The following RET variants were observed in gnomAD, a reference collection of about 807,000 sequenced individuals.
RET encodes proto-oncogene tyrosine-protein kinase receptor Ret.
Under a neutral mutation model 118.3 loss-of-function variants are expected in RET, and 19 were observed. That is an observed-to-expected ratio of 0.16 (90% CI 0.11 to 0.24). The LOEUF is 0.24. Among genes scored for constraint, RET ranks in the 10% least tolerant of loss-of-function variants. The pLI is 1.00. For synonymous variants in RET, 597 were observed against 644.1 expected (o/e 0.93, Z 1.11); for missense variants, 1,219 against 1,502.1 (o/e 0.81, Z 3.12).
Position 43,102,513 on chromosome 10 carries a change from C to T in RET, c.509C>T (p.Thr170Ile), listed in dbSNP as rs200547906. The T allele has an allele frequency of 1.7e-5, 28 of 1,614,130 alleles. No individual in the cohort carries two copies. The highest frequency in any genetic ancestry group is 5.3e-5 in the African/African-American group (4 of 74,956). The change falls in exon 3 of 20, where the codon ACA becomes ATA. Residue 170 changes from threonine to isoleucine, a missense_variant. By Grantham distance (89) the Thr-to-Ile change is moderately conservative (BLOSUM62 -1). Transcript: ENST00000355710. The stretch of plus-strand genomic sequence containing the variant: ...CCCCGGGAGCTCTGCTTCCCAGAGA[C>T]AAGGCCCTCCTTCCGCATTCGGGAG... ...LKPRELCFPE[T>I]RPSFRIRENR...
rs549266714 is a variant in RET, at chr10:43,125,339, G to T, written c.3039+357G>T. Among the ~76,000 whole-genome samples, 35 of 152,274 alleles carry T rather than the reference G, an allele frequency of 2.3e-4. No homozygotes were observed. In the Middle Eastern group the frequency reaches 0.01, roughly 44 times the overall value. On this transcript the variant is annotated intron_variant, in intron 18 of 19. Coordinates refer to ENST00000355710, the MANE Select transcript of RET (RefSeq NM_020975.6). ...GTGCCCAAAATTCAGATGCCCAGAG[G>T]GGGGTCCGGCTGGAGGAGGGCAGTG...
At chr10:43,093,163 G>A (rs980457484) in intron 1 of RET, among the ~76,000 whole-genome samples, 3 of 152,156 alleles carry the variant, frequency 2.0e-5, no homozygotes, top group Non-Finnish European at 4.4e-5. Context: ...GGCCCTGGGA[G>A]CCCTGATGAG....
At position 43,100,713 on chromosome 10, in the gene RET, A is replaced by G. The variant is rs1217222362; in HGVS notation, c.328A>G (p.Ser110Gly). The change falls in exon 2 of 20, where the codon AGT (serine) becomes GGT (glycine). Residue 110 changes from serine to glycine, a missense_variant. By Grantham distance (56) the Ser-to-Gly change is moderately conservative (BLOSUM62 0). Transcript: ENST00000355710. ...SLDHSSWEKL[S>G]VRNRGFPLLT... ...GGACCATAGCTCCTGGGAGAAGCTC[A>G]GTGTCCGCAGTAAGGGAGCCGCCCC... is the stretch of plus-strand genomic sequence containing the variant. 1 of 1,598,942 alleles carries G rather than the reference A, an allele frequency of 6.3e-7. No individual in the cohort carries two copies. Among genetic ancestry groups the G allele is most frequent in the Admixed American group, 1.7e-5 (1 of 58,120 alleles).
At chr10:43,078,253 G>A (rs1020910710) in intron 1 of RET, among the ~76,000 whole-genome samples, 2 of 152,190 alleles carry the variant, frequency 1.3e-5, no homozygotes, top group African/African-American at 2.4e-5. Context: ...CCCTCCAAGC[G>A]CTTGTGTATG....
chr10:43,106,596 T>C lies in RET; in HGVS notation c.1063+25T>C. Reference sequence around the variant, plus strand: ...AGTAAGAGGGGCTGGTGGCACGGCCTGGCTAGGCCCCCAGGAAATGAGGTG... The same window carrying C: ...AGTAAGAGGGGCTGGTGGCACGGCCCGGCTAGGCCCCCAGGAAATGAGGTG... On this transcript the variant is annotated intron_variant, in intron 5 of 19. Coordinates refer to ENST00000355710, the MANE Select transcript of RET (RefSeq NM_020975.6). The surrounding 1 kb of genome is among the most constrained non-coding windows in gnomAD (Gnocchi z 5.1). The C allele has an allele frequency of 1.9e-6, 3 of 1,609,270 alleles. No individual in the cohort carries two copies. Among genetic ancestry groups the C allele is most frequent in the Non-Finnish European group, 1.7e-6 (2 of 1,177,516 alleles).
intron 3 of RET, among the ~76,000 whole-genome samples, chr10:43,104,453 G>A (rs988034756): frequency 6.6e-6 from 1 of 152,084 alleles, no homozygotes; most frequent in Non-Finnish European, 1.5e-5. Flanking sequence ...GGAGTTGGAG[G>A]TTGCAGTGAG....
intron 1 of RET, among the ~76,000 whole-genome samples, chr10:43,094,756 C>T (rs764403660): frequency 1.7e-4 from 26 of 152,188 alleles, no homozygotes; most frequent in Admixed American, 3.9e-4. Flanking sequence ...TGTGTGAAAG[C>T]GGGTATATAC....
chr10:43,107,601 A>ACC (rs57538114), intron 5 of RET, among the ~76,000 whole-genome samples: 1 of 136,126 alleles, frequency 7.3e-6, no homozygotes, highest in East Asian at 2.1e-4. Context: ...ACACACACAC[A>ACC]CCCTGTTACC....
intron 19 of RET, chr10:43,126,967 A>G (rs1194756081): frequency 7.1e-6 from 10 of 1,408,280 alleles, no homozygotes; most frequent in Non-Finnish European, 9.2e-7. Context: ...TTAGGATGGT[A>G]GAGGAAAAAA....
At chr10:43,118,342 C>A (rs779463179) in intron 12 of RET, 31 bp from the exon 13 acceptor site, 1 of 1,575,858 alleles carries the variant, frequency 6.3e-7, no homozygotes, top group South Asian at 1.1e-5. Flanking sequence ...CAGGAGCGAT[C>A]GTTTGCAACC....
chr10:43,106,837 C>A lies in RET; in HGVS notation c.1063+266C>A, dbSNP rs936134324. On this transcript the variant is annotated intron_variant, in intron 5 of 19. Coordinates refer to ENST00000355710, the MANE Select transcript of RET (RefSeq NM_020975.6). The surrounding 1 kb of genome is among the most constrained non-coding windows in gnomAD (Gnocchi z 5.1). ...GGGCCCCACCACACCCCCCTGCTGA[C>A]CTCACCAGGGCTCACCACCGACTGC... Among the ~76,000 whole-genome samples the A allele has an allele frequency of 1.3e-5, 2 of 152,144 alleles. No individual in the cohort carries two copies. The highest frequency in any genetic ancestry group is 2.9e-5 in the Non-Finnish European group (2 of 68,022).
chr10:43,110,464 CTG>C (rs1305065747), intron 6 of RET, among the ~76,000 whole-genome samples: 53 of 152,300 alleles, frequency 3.5e-4, no homozygotes, highest in Non-Finnish European at 5.3e-4. Flanking sequence ...ATCTCGCCAT[CTG>C]TGGAACTTTT....
chr10:43,082,263 C>T (rs1477514314), intron 1 of RET, among the ~76,000 whole-genome samples: 1 of 152,154 alleles, frequency 6.6e-6, no homozygotes, highest in Non-Finnish European at 1.5e-5. Flanking sequence ...GAGATGGTGC[C>T]AGCAGGACCT....
At chr10:43,099,250 C>T (rs1017544387) in intron 1 of RET, among the ~76,000 whole-genome samples, 2 of 152,128 alleles carry the variant, frequency 1.3e-5, no homozygotes, top group Non-Finnish European at 2.9e-5. Flanking sequence ...TGGCTCATAC[C>T]TGTAATCCCA....
At position 43,109,149 on chromosome 10, in the gene RET, C is replaced by T. The variant is rs376465385; in HGVS notation, c.1182C>T (p.Asn394=). ...CGGGCGTCCTCTTGCTCCACTTCAA[C>T]GTGTCGGTGCTGCCGGTCAGCCTGC... ...PGAGVLLLHF[N]VSVLPVSLHL... The change falls in exon 6 of 20, where the codon AAC becomes AAT. Residue 394 remains asparagine (N), a synonymous_variant. Coordinates refer to ENST00000355710, the MANE Select transcript of RET (RefSeq NM_020975.6). 4.2e-5 allele frequency: 67 copies of T among 1,613,780 alleles called. No individual in the cohort carries two copies. Among genetic ancestry groups the T allele is most frequent in the Admixed American group, 2.0e-4 (12 of 60,010 alleles).
intron 1 of RET, among the ~76,000 whole-genome samples, chr10:43,079,086 C>A (rs1312064717): frequency 6.6e-6 from 1 of 152,228 alleles, no homozygotes; most frequent in African/African-American, 2.4e-5. Flanking sequence ...AGCTCGGCCT[C>A]AAGCGCCCTC....
At chr10:43,092,675 C>T (rs1837435217) in intron 1 of RET, among the ~76,000 whole-genome samples, 1 of 152,326 alleles carries the variant, frequency 6.6e-6, no homozygotes. Flanking sequence ...TGGTCCTACC[C>T]GAGTGAGTCT....
At chr10:43,096,572 C>A (rs948955738) in intron 1 of RET, among the ~76,000 whole-genome samples, 1 of 152,198 alleles carries the variant, frequency 6.6e-6, no homozygotes. Flanking sequence ...TGCACCTGCA[C>A]TGGCCGTTCC....
At chr10:43,097,207 T>C (rs973556547) in intron 1 of RET, among the ~76,000 whole-genome samples, 1 of 152,132 alleles carries the variant, frequency 6.6e-6, no homozygotes, top group African/African-American at 2.4e-5. Context: ...CCTGGACCAC[T>C]AAAGGTGCTT....
Sources: allele counts gnomAD v4.1 joint callset (sites outside exome capture counted in the v4.1 genomes callset), GRCh38; gene constraint gnomAD v4.1.1; non-coding constraint Gnocchi (gnomAD v3.1); transcripts MANE v1.5; gene names NCBI Gene and HGNC (gene_info 2026-07-23, HGNC 2026-07-21).